Variants in IMPG1 observed in about 807,000 individuals in gnomAD.
IMPG1 encodes the protein interphotoreceptor matrix proteoglycan of 150 kDa.
IMPG1 carries 85 observed loss-of-function variants against 92.0 expected under a neutral mutation model. That is an observed-to-expected ratio of 0.92 (90% confidence interval 0.78 to 1.11). IMPG1 has a LOEUF of 1.11. Among genes scored for constraint, IMPG1 ranks in the 50% least tolerant of loss-of-function variants. IMPG1 has a pLI of 0.00. For synonymous variants in IMPG1, 367 were observed against 334.1 expected, an observed-to-expected ratio of 1.10 and a Z score of -1.08; for missense variants, 1,022 against 956.0, an observed-to-expected ratio of 1.07 and a Z score of -0.91.
At chr6:75,982,956 C>G (rs1034996398) in intron 12 of IMPG1, among the ~76,000 whole-genome samples, 1 of 151,942 alleles carries the variant, frequency 6.6e-6, no homozygotes, top group African/African-American at 2.4e-5. Context: ...TCAGTCATCC[C>G]TTCATCTAGA....
chr6:75,995,806 T>C (rs1208125918), intron 12 of IMPG1, among the ~76,000 whole-genome samples: 1 of 152,238 alleles, frequency 6.6e-6, no homozygotes, highest in Non-Finnish European at 1.5e-5. Flanking sequence ...TTTTCTGCAC[T>C]TCACTTCTCC....
chr6:75,995,936 G>T (rs973212635), intron 12 of IMPG1, among the ~76,000 whole-genome samples: 10 of 152,350 alleles, frequency 6.6e-5, no homozygotes, highest in Admixed American at 2.0e-4. Context: ...TATCTGCCTT[G>T]TTCACCAACT....
Position 75,974,379 on chromosome 6 carries a change from CTTTCTTTCTTTCT to C in IMPG1, c.1292-23298_1292-23286del, listed in dbSNP as rs1562354656. ...TCTTTCTTTCTTTCTTTCTTTCTTT[CTTTCTTTCTTTCT>C]TTTCTTTCTTTCCTTCCTTCCTTCC... On this transcript the variant is annotated intron_variant, in intron 12 of 16. Transcript: ENST00000369950. Among the ~76,000 whole-genome samples, 354 of 87,456 alleles carry C rather than the reference CTTTCTTTCTTTCT, an allele frequency of 4.0e-3. 6 individuals carry two copies. The highest frequency in any genetic ancestry group is 0.016 in the African/African-American group (333 of 21,242). 57.4% of individuals were successfully genotyped at this position (87,456 alleles called of 152,430 possible). A position where few individuals can be genotyped will look rare whatever the true frequency, so the allele number is the denominator to read the frequency against.
At chr6:75,950,461 T>C (rs2149457360) in intron 13 of IMPG1, 101 bp downstream of exon 13, 1 of 1,094,082 alleles carries the variant, frequency 9.1e-7, no homozygotes, top group Non-Finnish European at 1.3e-6. Context: ...GGTTTGTTTC[T>C]ACTAACACTA....
At chr6:76,024,064 T>C (rs1783480946) in intron 5 of IMPG1, among the ~76,000 whole-genome samples, 3 of 152,150 alleles carry the variant, frequency 2.0e-5, no homozygotes, top group Admixed American at 1.3e-4. Context: ...AGCTCTTCTT[T>C]TTATTGTTAA....
intron 4 of IMPG1, among the ~76,000 whole-genome samples, chr6:76,033,107 T>C (rs1000018089): frequency 6.6e-5 from 10 of 152,244 alleles, no homozygotes; most frequent in African/African-American, 2.4e-4. Context: ...AAAAATATCC[T>C]TGGGGCCAGA....
intron 12 of IMPG1, among the ~76,000 whole-genome samples, chr6:75,964,226 G>A (rs886305445): frequency 6.6e-6 from 1 of 152,164 alleles, no homozygotes; most frequent in African/African-American, 2.4e-5. Context: ...GGCTAATCGG[G>A]AAGTGGCTGC....
chr6:76,049,869 C>T (rs1204472070), intron 1 of IMPG1, among the ~76,000 whole-genome samples: 4 of 152,096 alleles, frequency 2.6e-5, no homozygotes, highest in African/African-American at 4.8e-5. Flanking sequence ...ATGGTTGGCA[C>T]CGAAGGCTTA....
chr6:76,040,525 C>A (rs1303536137), intron 2 of IMPG1, among the ~76,000 whole-genome samples: 1 of 152,154 alleles, frequency 6.6e-6, no homozygotes, highest in Non-Finnish European at 1.5e-5. Context: ...TCCCAATGGG[C>A]TCTTTGCATT....
intron 7 of IMPG1, among the ~76,000 whole-genome samples, chr6:76,013,708 C>T (rs912331152): frequency 2.0e-5 from 3 of 152,018 alleles, no homozygotes; most frequent in African/African-American, 7.2e-5. Context: ...TAGTAGGGAC[C>T]CAGCACATTT....
At chr6:75,956,762 A>G (rs1284314563) in intron 12 of IMPG1, among the ~76,000 whole-genome samples, 1 of 152,072 alleles carries the variant, frequency 6.6e-6, no homozygotes, top group Non-Finnish European at 1.5e-5. Context: ...ACACTGCTTT[A>G]CCTGTGTCCC....
At chr6:75,964,503 C>T (rs971640186) in intron 12 of IMPG1, among the ~76,000 whole-genome samples, 8 of 151,714 alleles carry the variant, frequency 5.3e-5, no homozygotes, top group Admixed American at 3.9e-4. Context: ...ATGATGAAAC[C>T]CCATCTCTTC....
At chr6:76,059,188 T>C (rs1784165580) in intron 1 of IMPG1, among the ~76,000 whole-genome samples, 1 of 152,094 alleles carries the variant, frequency 6.6e-6, no homozygotes, top group African/African-American at 2.4e-5. Flanking sequence ...AGTGTTTTGA[T>C]AGTGGGGTGG....
At chr6:75,980,797 T>A (rs1317594186) in intron 12 of IMPG1, among the ~76,000 whole-genome samples, 7 of 152,200 alleles carry the variant, frequency 4.6e-5, no homozygotes, top group Non-Finnish European at 1.0e-4. Flanking sequence ...GGGACTTCAA[T>A]TTGCGATCAT....
intron 12 of IMPG1, among the ~76,000 whole-genome samples, chr6:75,955,755 TTATTTTGAGA>T (rs1782109435): frequency 6.6e-6 from 1 of 152,212 alleles, no homozygotes; most frequent in African/African-American, 2.4e-5. Flanking sequence ...ATAGCTCTTA[TTATTTTGAGA>T]TAGGTTCCAT....
rs79890005 is a variant in IMPG1, at chr6:75,947,148, C to T, written c.2044+166G>A. The stretch of plus-strand genomic sequence containing the variant: ...ATGTTAACTTGCATGTCTTTGGACT[C>T]TACCTTTCTAATGATGTGCTCCATA... On this transcript the variant is annotated intron_variant, in intron 14 of 16. Coordinates refer to ENST00000369950, the MANE Select transcript of IMPG1 (RefSeq NM_001563.4). 1.5e-3 allele frequency among the ~76,000 whole-genome samples: 233 copies of T among 152,340 alleles called. 1 individual carries two copies. Among genetic ancestry groups the T allele is most frequent in the African/African-American group, 5.3e-3 (221 of 41,578 alleles).
chr6:76,063,037 C>T (rs1235425820), intron 1 of IMPG1, among the ~76,000 whole-genome samples: 1 of 151,584 alleles, frequency 6.6e-6, no homozygotes, highest in Non-Finnish European at 1.5e-5. Context: ...AACCCTGCCT[C>T]TACTGAAAAT....
Position 76,018,874 on chromosome 6 carries a change from A to T in IMPG1, c.667-16T>A. ...TTTCTCTTTCCTGAGTTTAAAAAAA[A>T]AAAAAAGGACTTCTGTTAACCTAAA... On this transcript the variant is annotated splice_polypyrimidine_tract_variant and intron_variant, in intron 6 of 16. Coordinates refer to ENST00000369950, the MANE Select transcript of IMPG1 (RefSeq NM_001563.4). 6.4e-7 allele frequency: 1 copy of T among 1,568,482 alleles called. No homozygotes were observed. Among genetic ancestry groups the T allele is most frequent in the Non-Finnish European group, 8.6e-7 (1 of 1,161,810 alleles).
chr6:76,043,248 C>T (rs1001920796), intron 1 of IMPG1, among the ~76,000 whole-genome samples: 3 of 151,966 alleles, frequency 2.0e-5, no homozygotes, highest in African/African-American at 7.3e-5. Flanking sequence ...CTTACTATGG[C>T]CTCTTGAGAC....
Sources: allele counts gnomAD v4.1 joint callset (sites outside exome capture counted in the v4.1 genomes callset), GRCh38; gene constraint gnomAD v4.1.1; transcripts MANE v1.5; gene names NCBI Gene and HGNC (gene_info 2026-07-23, HGNC 2026-07-21).